The following TMEM108 variants were observed in gnomAD, a reference collection of about 807,000 sequenced individuals.
TMEM108 encodes the protein cancer/testis antigen 124.
TMEM108 carries 12 observed loss-of-function variants against 35.1 expected under a neutral mutation model. The ratio of observed to expected loss-of-function variants is 0.34; its 90% confidence interval spans 0.22 to 0.55. TMEM108 has a LOEUF of 0.55. Among genes scored for constraint, TMEM108 ranks in the 20% least tolerant of loss-of-function variants. TMEM108 has a pLI of 0.89. For missense variants in TMEM108, 680 were observed against 753.3 expected (o/e 0.90, Z 1.14); for synonymous variants, 287 against 308.6 (o/e 0.93, Z 0.73).
At chr3:133,064,462 A>T (rs573653826) in intron 2 of TMEM108, among the ~76,000 whole-genome samples, 2 of 152,306 alleles carry the variant, frequency 1.3e-5, no homozygotes, top group Admixed American at 1.3e-4. Context: ...ATTTGTATAA[A>T]TAAAGAGATT....
At chr3:133,282,335 C>G (rs112901609) in intron 3 of TMEM108, among the ~76,000 whole-genome samples, 128 of 152,262 alleles carry the variant, frequency 8.4e-4, no homozygotes, top group African/African-American at 3.1e-3. Flanking sequence ...GACTCTAAAA[C>G]GGCTTTACAA....
intron 2 of TMEM108, among the ~76,000 whole-genome samples, chr3:133,064,407 T>C (rs1943570999): frequency 1.3e-5 from 2 of 152,358 alleles, no homozygotes; most frequent in African/African-American, 4.8e-5. Context: ...CGTGGGTCTT[T>C]AATATCTTTA....
intron 3 of TMEM108, among the ~76,000 whole-genome samples, chr3:133,359,737 A>T (rs1400064299): frequency 6.6e-6 from 1 of 152,220 alleles, no homozygotes; most frequent in Non-Finnish European, 1.5e-5. Flanking sequence ...AAATTTTTAA[A>T]CCAAAAGGTA....
chr3:133,040,267 G>A (rs1385422461), intron 1 of TMEM108, among the ~76,000 whole-genome samples: 3 of 149,020 alleles, frequency 2.0e-5, no homozygotes, highest in Non-Finnish European at 4.4e-5. Context: ...GCAGTGGTGC[G>A]ATCTCGGCTC....
chr3:133,341,536 T>C (rs904397895), intron 3 of TMEM108, among the ~76,000 whole-genome samples: 1 of 151,636 alleles, frequency 6.6e-6, no homozygotes, highest in African/African-American at 2.4e-5. Flanking sequence ...ATAGTAGAAA[T>C]AGTCCTAAAA....
chr3:133,078,311 C>A (rs1943769881), intron 2 of TMEM108, among the ~76,000 whole-genome samples: 1 of 152,122 alleles, frequency 6.6e-6, no homozygotes. Flanking sequence ...TTTTATATCA[C>A]CTCAGGGATG....
rs1943273670 is a variant in TMEM108, at chr3:133,041,348, C to CG, written c.-166+2913_-166+2914insG. On this transcript the variant is annotated intron_variant, in intron 1 of 5. Transcript: ENST00000321871. The stretch of plus-strand genomic sequence containing the variant: ...AGAGACCTAAATCTAGGCTGCCGTT[C>CG]CTTCACTTGGCTCATGTCACCCCCC... Among the ~76,000 whole-genome samples the CG allele has an allele frequency of 2.0e-5, 3 of 152,238 alleles. No individual in the cohort carries two copies. The South Asian group carries it at 6.2e-4, about 32-fold the overall frequency.
At position 133,396,165 on chromosome 3, in the gene TMEM108, CT is replaced by C; in HGVS notation, c.*182del. 4.1e-6 allele frequency: 1 copy of C among 246,758 alleles called. No individual in the cohort carries two copies. Among genetic ancestry groups the C allele is most frequent in the Non-Finnish European group, 6.8e-6 (1 of 147,476 alleles). The allele number at this position is 246,758 out of a possible 1,614,324, so 15.3% of individuals were successfully genotyped here. On this transcript the variant is annotated 3_prime_UTR_variant, in exon 6 of 6. Transcript: ENST00000321871. ...AAGTGTGGTTTAAAAAAAAAAAAAA[CT>C]TTACAGAATGATCTGTGGCTTTATA...
chr3:133,066,769 T>C (rs971739510), intron 2 of TMEM108, among the ~76,000 whole-genome samples: 1 of 152,202 alleles, frequency 6.6e-6, no homozygotes, highest in South Asian at 2.1e-4. Flanking sequence ...ACCACTGCCT[T>C]TGAAGCCCCC....
At chr3:133,152,975 A>G (rs1944823678) in intron 2 of TMEM108, among the ~76,000 whole-genome samples, 1 of 152,066 alleles carries the variant, frequency 6.6e-6, no homozygotes, top group African/African-American at 2.4e-5. Flanking sequence ...GGCCTGTTTC[A>G]TTTTGTACTC....
chr3:133,386,296 C>A, intron 4 of TMEM108: 2 of 1,046,698 alleles, frequency 1.9e-6, no homozygotes, highest in Non-Finnish European at 2.8e-6. Flanking sequence ...GATGATTATT[C>A]ATCTTATTGT....
chr3:133,091,416 G>A (rs1943945501), intron 2 of TMEM108, among the ~76,000 whole-genome samples: 1 of 152,102 alleles, frequency 6.6e-6, no homozygotes, highest in Admixed American at 6.5e-5. Context: ...TAGATCAGTG[G>A]CTTTTATGTC....
At chr3:133,275,994 G>A (rs1257926637) in intron 3 of TMEM108, among the ~76,000 whole-genome samples, 1 of 152,130 alleles carries the variant, frequency 6.6e-6, no homozygotes, top group East Asian at 1.9e-4. Flanking sequence ...CATGGACGTG[G>A]CATTCTGGTT....
At chr3:133,147,972 T>C (rs534541763) in intron 2 of TMEM108, among the ~76,000 whole-genome samples, 1 of 152,346 alleles carries the variant, frequency 6.6e-6, no homozygotes, top group East Asian at 1.9e-4. Context: ...TGATAAATCC[T>C]ATGGTGCTGG....
chr3:133,389,019 C>T, intron 4 of TMEM108: 4 of 985,680 alleles, frequency 4.1e-6, no homozygotes, highest in Non-Finnish European at 4.8e-6. Context: ...GGCTTCAGCT[C>T]TCCTCATCCC....
chr3:133,238,883 A>G (rs1419314337), intron 3 of TMEM108, among the ~76,000 whole-genome samples: 3 of 152,200 alleles, frequency 2.0e-5, no homozygotes, highest in African/African-American at 4.8e-5. Context: ...TTCTGTATAC[A>G]TAAGAGTCAG....
intron 2 of TMEM108, among the ~76,000 whole-genome samples, chr3:133,133,044 A>G (rs1944511593): frequency 6.6e-6 from 1 of 152,218 alleles, no homozygotes; most frequent in African/African-American, 2.4e-5. Flanking sequence ...GTTGCTGCTT[A>G]TGGATGAGCA....
intron 2 of TMEM108, among the ~76,000 whole-genome samples, chr3:133,154,843 G>A (rs1390382376): frequency 6.6e-6 from 1 of 151,918 alleles, no homozygotes; most frequent in African/African-American, 2.4e-5. Context: ...TACATGTACT[G>A]TAAAACTTAA....
chr3:133,135,157 G>GTT lies in TMEM108; in HGVS notation c.-47+89149_-47+89150dup, dbSNP rs77437437. On this transcript the variant is annotated intron_variant, in intron 2 of 5. Coordinates refer to ENST00000321871, the MANE Select transcript of TMEM108 (RefSeq NM_023943.4). ...CATTTCGAGGTTTTCATCTGCTATC[G>GTT]TTTTTTTTTTTTTCTTTCTTTCTGC... Among the ~76,000 whole-genome samples the GTT allele has an allele frequency of 1.9e-4, 27 of 142,710 alleles. 1 individual carries two copies. Among genetic ancestry groups the GTT allele is most frequent in the Non-Finnish European group, 2.6e-4 (17 of 65,104 alleles). 93.6% of individuals were successfully genotyped at this position (142,710 alleles called of 152,430 possible).
Sources: allele counts gnomAD v4.1 joint callset (sites outside exome capture counted in the v4.1 genomes callset), GRCh38; gene constraint gnomAD v4.1.1; transcripts MANE v1.5; gene names NCBI Gene and HGNC (gene_info 2026-07-23, HGNC 2026-07-21).